Variants in DUSP16 observed in about 807,000 individuals in gnomAD.
DUSP16 encodes dual specificity phosphatase 16, also known as dual specificity protein phosphatase 16.
A neutral mutation model predicts 58.3 loss-of-function variants in DUSP16; 21 were observed. The observed-to-expected ratio is 0.36, with a 90% CI of 0.26 to 0.52. The LOEUF (loss-of-function observed/expected upper bound fraction) is 0.52, where lower values mean the gene tolerates loss of function less well. Among genes scored for constraint, DUSP16 ranks in the 20% least tolerant of loss-of-function variants. The pLI, the probability that DUSP16 is intolerant of heterozygous loss-of-function variation, is 0.94. For missense variants in DUSP16, 726 were observed against 819.0 expected (o/e 0.89, Z 1.39); for synonymous variants, 320 against 323.8 (o/e 0.99, Z 0.12).
At chr12:12,500,412 A>ACTCAG in intron 4 of DUSP16, 107 bp downstream of exon 4, 1 of 1,324,272 alleles carries the variant, frequency 7.6e-7, no homozygotes, top group South Asian at 1.6e-5. Flanking sequence ...AGAATGGCAT[A>ACTCAG]GCAGCTCCTG....
Position 12,476,642 on chromosome 12 carries a change from G to A in DUSP16, c.*191C>T, listed in dbSNP as rs1943442826. On this transcript the variant is annotated 3_prime_UTR_variant, in exon 7 of 7. Transcript: ENST00000298573. Reference sequence around the variant, plus strand: ...TGCCCTTCCATTTTTGTTGAGAGAAGTATTAGCTGATCTCTCAAATGCAGA... The same window carrying A: ...TGCCCTTCCATTTTTGTTGAGAGAAATATTAGCTGATCTCTCAAATGCAGA... 1 of 539,634 alleles carries A rather than the reference G, an allele frequency of 1.9e-6. No homozygotes were observed. Among genetic ancestry groups the A allele is most frequent in the Non-Finnish European group, 3.2e-6 (1 of 312,692 alleles). 33.4% of individuals were successfully genotyped at this position (539,634 alleles called of 1,614,324 possible).
At chr12:12,501,788 TC>T (rs1193819091) in intron 3 of DUSP16, among the ~76,000 whole-genome samples, 7 of 152,130 alleles carry the variant, frequency 4.6e-5, no homozygotes, top group Non-Finnish European at 8.8e-5. Flanking sequence ...GGTCAGGGGT[TC>T]GAGACCAGCC....
Position 12,473,870 on chromosome 12 carries a change from C to A in DUSP16, c.*2963G>T, listed in dbSNP as rs755269529. 6.6e-6 allele frequency among the ~76,000 whole-genome samples: 1 copy of A among 152,188 alleles called. No individual in the cohort carries two copies. Among genetic ancestry groups the A allele is most frequent in the Non-Finnish European group, 1.5e-5 (1 of 68,044 alleles). ...TCGTAACATCATTTACATGTTATAT[C>A]GAAATGGGCCATGTGTGTGTAGCTG... On this transcript the variant is annotated 3_prime_UTR_variant, in exon 7 of 7. Transcript: ENST00000298573.
intron 6 of DUSP16, among the ~76,000 whole-genome samples, chr12:12,478,611 C>T (rs934344009): frequency 2.0e-5 from 3 of 152,178 alleles, no homozygotes; most frequent in Non-Finnish European, 4.4e-5. Flanking sequence ...GCTGGGACTA[C>T]AGGTGTGAGC....
chr12:12,521,263 C>T lies in DUSP16; in HGVS notation c.-165G>A, dbSNP rs1024396903. 5 of 1,445,228 alleles carry T rather than the reference C, an allele frequency of 3.5e-6. No individual in the cohort carries two copies. Among genetic ancestry groups the T allele is most frequent in the African/African-American group, 1.4e-5 (1 of 70,176 alleles). 89.5% of individuals were successfully genotyped at this position (1,445,228 alleles called of 1,614,324 possible). On this transcript the variant is annotated 5_prime_UTR_variant, in exon 2 of 7. Coordinates refer to ENST00000298573, the MANE Select transcript of DUSP16 (RefSeq NM_030640.3). ...TAAACCCATTTTCAGCAAGAGCCCTCCAAGTGAATGTCTCTTTCTCTTTCC... is the reference window on the plus strand; with the variant it reads ...TAAACCCATTTTCAGCAAGAGCCCTTCAAGTGAATGTCTCTTTCTCTTTCC...
At chr12:12,557,690 G>C (rs1385984268) in intron 1 of DUSP16, among the ~76,000 whole-genome samples, 1 of 152,162 alleles carries the variant, frequency 6.6e-6, no homozygotes, top group African/African-American at 2.4e-5. Flanking sequence ...TATCGACCCT[G>C]ATCATTACCT....
chr12:12,543,222 C>T (rs1442063973), intron 1 of DUSP16, among the ~76,000 whole-genome samples: 1 of 152,126 alleles, frequency 6.6e-6, no homozygotes, highest in East Asian at 1.9e-4. Flanking sequence ...AGTATTAAAT[C>T]AATGTCAGGT....
intron 1 of DUSP16, among the ~76,000 whole-genome samples, chr12:12,536,761 G>A (rs1021352417): frequency 1.3e-5 from 2 of 150,966 alleles, no homozygotes; most frequent in Admixed American, 6.6e-5. Flanking sequence ...AAAAAACGCC[G>A]ATGCGGTGGC....
At chr12:12,497,356 C>G (rs999515302) in intron 4 of DUSP16, among the ~76,000 whole-genome samples, 3 of 152,140 alleles carry the variant, frequency 2.0e-5, no homozygotes, top group African/African-American at 7.2e-5. Flanking sequence ...CTTAAGATTT[C>G]AGTCCTTCGT....
chr12:12,540,949 CTTTTTTTTT>C (rs1191975095), intron 1 of DUSP16, among the ~76,000 whole-genome samples: 5 of 43,806 alleles, frequency 1.1e-4, no homozygotes, highest in African/African-American at 3.5e-4. Flanking sequence ...CTTTTCTTTT[CTTTTTTTTT>C]TTTTTTTTTT....
intron 1 of DUSP16, among the ~76,000 whole-genome samples, chr12:12,551,115 T>C (rs1338260960): frequency 6.6e-6 from 1 of 152,104 alleles, no homozygotes; most frequent in African/African-American, 2.4e-5. Flanking sequence ...TTTGCTTTTT[T>C]GACTAGCAGA....
intron 1 of DUSP16, among the ~76,000 whole-genome samples, chr12:12,541,449 C>T (rs1271352465): frequency 2.0e-5 from 3 of 152,096 alleles, no homozygotes; most frequent in Admixed American, 2.0e-4. Flanking sequence ...TCCCACAAAG[C>T]GTTAAGGAGG....
At chr12:12,480,106 T>TA (rs1943535660) in intron 6 of DUSP16, 117 bp downstream of exon 6, 2 of 1,379,866 alleles carry the variant, frequency 1.4e-6, no homozygotes, top group East Asian at 2.3e-5. Context: ...CAGTAACCTG[T>TA]AAAAAATGTG....
chr12:12,478,126 G>A, intron 6 of DUSP16, 111 bp from the exon 7 acceptor site: 1 of 1,012,692 alleles, frequency 9.9e-7, no homozygotes, highest in East Asian at 2.4e-5. Context: ...CAAAAACTTT[G>A]GAAGATGATT....
chr12:12,561,936 G>C (rs1944910283), intron 1 of DUSP16, among the ~76,000 whole-genome samples, 181 bp downstream of exon 1: 1 of 150,410 alleles, frequency 6.6e-6, no homozygotes, highest in African/African-American at 2.4e-5. Flanking sequence ...TCGCCCCCAC[G>C]CCGCCTCCCG....
chr12:12,515,585 C>T (rs1266546289), intron 3 of DUSP16, among the ~76,000 whole-genome samples: 1 of 151,978 alleles, frequency 6.6e-6, no homozygotes, highest in African/African-American at 2.4e-5. Flanking sequence ...GCCTCGGCCT[C>T]CCAAAGTGCT....
chr12:12,479,002 A>C (rs190569441), intron 6 of DUSP16, among the ~76,000 whole-genome samples: 123 of 152,236 alleles, frequency 8.1e-4, no homozygotes, highest in African/African-American at 2.9e-3. Flanking sequence ...AGAATCCTTA[A>C]GTGACTTGCC....
At chr12:12,536,148 G>A (rs1216630604) in intron 1 of DUSP16, among the ~76,000 whole-genome samples, 1 of 152,192 alleles carries the variant, frequency 6.6e-6, no homozygotes, top group Non-Finnish European at 1.5e-5. Flanking sequence ...GATGCGCTCA[G>A]TCTAGAATGG....
chr12:12,503,736 G>C (rs1943946438), intron 3 of DUSP16, among the ~76,000 whole-genome samples: 1 of 152,196 alleles, frequency 6.6e-6, no homozygotes, highest in South Asian at 2.1e-4. Context: ...CCCTGGCAGA[G>C]TCAGAGCACA....
Sources: allele counts gnomAD v4.1 joint callset (sites outside exome capture counted in the v4.1 genomes callset), GRCh38; gene constraint gnomAD v4.1.1; transcripts MANE v1.5; gene names NCBI Gene and HGNC (gene_info 2026-07-23, HGNC 2026-07-21).